The following PUDP variants were observed in gnomAD, a reference collection of about 807,000 sequenced individuals.
The protein encoded by PUDP is pseudouridine-5'-phosphatase.
A neutral mutation model predicts 9.4 loss-of-function variants in PUDP; 8 were observed. That is an observed-to-expected ratio of 0.85 (90% CI 0.50 to 1.53). The LOEUF (loss-of-function observed/expected upper bound fraction) is 1.53, where lower values mean the gene tolerates loss of function less well. PUDP is among the 40% of genes most tolerant of loss of function. PUDP has a pLI of 0.00. For synonymous variants in PUDP, 99 were observed against 80.7 expected (o/e 1.23, Z -1.22); for missense variants, 188 against 189.7 (o/e 0.99, Z 0.05).
chrX:7,051,708 T>C (rs1259224857), intron 3 of PUDP, among the ~76,000 whole-genome samples: 3 of 112,169 alleles, frequency 2.7e-5, no homozygotes, highest in Non-Finnish European at 3.8e-5. Flanking sequence ...GCCTGCTCCA[T>C]AGTATAAACA....
chrX:6,880,459 G>A (rs1927330970), intron 3 of PUDP, among the ~76,000 whole-genome samples: 2 of 111,771 alleles, frequency 1.8e-5, no homozygotes, highest in African/African-American at 6.5e-5. Context: ...ATCCAGCCCA[G>A]AATTTAAGAT....
At chrX:6,789,842 T>G (rs1925711423) in intron 3 of PUDP, among the ~76,000 whole-genome samples, 1 of 86,039 alleles carries the variant, frequency 1.2e-5, no homozygotes, top group African/African-American at 4.4e-5. Flanking sequence ...TAGAGATAGA[T>G]AGATTATAGA....
chrX:6,730,321 T>C (rs930432199), intron 3 of PUDP, among the ~76,000 whole-genome samples: 2 of 112,429 alleles, frequency 1.8e-5, no homozygotes, highest in Admixed American at 1.9e-4. Flanking sequence ...TTCCTCTCCT[T>C]TGCACATTGT....
At chrX:7,076,869 T>C (rs926452829) in intron 3 of PUDP, among the ~76,000 whole-genome samples, 1 of 112,193 alleles carries the variant, frequency 8.9e-6, no homozygotes, top group African/African-American at 3.2e-5. Context: ...CCTTAAAGCC[T>C]GCACCTAGAC....
At chrX:6,724,264 A>G (rs1022477982), upstream of PUDP, among the ~76,000 whole-genome samples, 1 of 111,290 alleles carries the variant, frequency 9.0e-6, no homozygotes, top group African/African-American at 3.3e-5. Flanking sequence ...GAGTTACAAT[A>G]TCTCAAACAA....
intron 3 of PUDP, among the ~76,000 whole-genome samples, chrX:6,776,664 C>G (rs770693625): frequency 5.4e-5 from 6 of 112,099 alleles, no homozygotes; most frequent in African/African-American, 1.9e-4. Context: ...AGTTTGAGAA[C>G]TGATGCTCCA....
intron 3 of PUDP, among the ~76,000 whole-genome samples, chrX:6,886,625 A>G (rs1167315097): frequency 1.8e-5 from 2 of 111,546 alleles, no homozygotes; most frequent in Non-Finnish European, 3.8e-5. Context: ...TACAAGGACA[A>G]CAGAACTAAT....
intron 3 of PUDP, among the ~76,000 whole-genome samples, chrX:6,776,640 C>A (rs1925469306): frequency 8.9e-6 from 1 of 111,940 alleles, no homozygotes; most frequent in African/African-American, 3.2e-5. Flanking sequence ...ATCAAGCCCT[C>A]CAGGGGATTC....
intron 3 of PUDP, among the ~76,000 whole-genome samples, chrX:6,841,527 G>A (rs1441549740): frequency 9.0e-6 from 1 of 110,715 alleles, no homozygotes; most frequent in Admixed American, 9.6e-5. Context: ...CTTGAGCCCA[G>A]GAGGTCAAGT....
chrX:7,079,698 A>G (rs1376130411), intron 2 of PUDP, among the ~76,000 whole-genome samples: 1 of 112,989 alleles, frequency 8.9e-6, no homozygotes, highest in Non-Finnish European at 1.9e-5. Flanking sequence ...TTACACTTCT[A>G]TGTAAGACAT....
In PUDP at chrX:6,941,688, T is replaced by C. The variant is rs1928402372; in HGVS notation, c.*247+35445A>G. 2.7e-5 allele frequency among the ~76,000 whole-genome samples: 3 copies of C among 111,332 alleles called. No homozygotes were observed. The Admixed American group carries it at 2.9e-4, about 11-fold the overall frequency. On this transcript the variant is annotated intron_variant and NMD_transcript_variant, in intron 3 of 3. Transcript: ENST00000655425. ...GAAAATAAGAACAAAACTTGGGATT[T>C]TTTTTTCCAGCTTTATTGAGGCATA...
chrX:6,832,233 G>C (rs758057630), intron 3 of PUDP, among the ~76,000 whole-genome samples: 1 of 111,911 alleles, frequency 8.9e-6, no homozygotes, highest in South Asian at 3.7e-4. Flanking sequence ...TAACACCAAA[G>C]AAGTTCTGTT....
intron 1 of PUDP, among the ~76,000 whole-genome samples, chrX:6,988,729 T>G (rs930933097): frequency 1.8e-5 from 2 of 110,643 alleles, no homozygotes; most frequent in African/African-American, 6.6e-5. Flanking sequence ...GCCTGGTGAG[T>G]TTCTTCAGAC....
intron 2 of PUDP, among the ~76,000 whole-genome samples, chrX:7,093,682 C>T (rs1018894229): frequency 8.9e-6 from 1 of 111,948 alleles, no homozygotes; most frequent in Admixed American, 9.4e-5. Flanking sequence ...TGATTCAACC[C>T]ATTGTGGTCA....
intron 3 of PUDP, among the ~76,000 whole-genome samples, chrX:6,872,929 A>G (rs1219422979): frequency 9.0e-6 from 1 of 110,958 alleles, no homozygotes; most frequent in East Asian, 2.8e-4. Context: ...ACATGGCTAC[A>G]TTAAAAATCA....
At chrX:6,898,622 G>A (rs10856413) in intron 3 of PUDP, among the ~76,000 whole-genome samples, 22,824 of 111,357 alleles carry the variant, frequency 0.2, 1,922 homozygotes, top group Non-Finnish European at 0.25. Context: ...CAGGGTCTGT[G>A]TCAAAGTATT....
chrX:7,028,304 A>G (rs967097818), intron 1 of PUDP, among the ~76,000 whole-genome samples: 9 of 110,973 alleles, frequency 8.1e-5, no homozygotes, highest in Non-Finnish European at 1.3e-4. Context: ...ATATCTCAAT[A>G]GAGACAAGAA....
chrX:6,981,846 C>A (rs1255264939), intron 1 of PUDP, among the ~76,000 whole-genome samples: 2 of 110,648 alleles, frequency 1.8e-5, no homozygotes, highest in East Asian at 2.8e-4. Flanking sequence ...TTCGTATATT[C>A]ATTTTACAAG....
At chrX:7,074,844 T>A (rs887078571) in intron 3 of PUDP, among the ~76,000 whole-genome samples, 1 of 112,338 alleles carries the variant, frequency 8.9e-6, no homozygotes, top group Non-Finnish European at 1.9e-5. Context: ...TGGGAGCTGT[T>A]CCAGCCGCAC....
Sources: allele counts gnomAD v4.1 joint callset (sites outside exome capture counted in the v4.1 genomes callset), GRCh38; gene constraint gnomAD v4.1.1; transcripts MANE v1.5; gene names NCBI Gene and HGNC (gene_info 2026-07-23, HGNC 2026-07-21).